Variants in MON2 observed in about 807,000 individuals in gnomAD.
MON2 encodes the protein MON2 regulator of endosome-to-Golgi trafficking.
In MON2, 84 loss-of-function variants were observed where a neutral mutation model predicts 208.6. The observed-to-expected ratio is 0.40, with a 90% CI of 0.34 to 0.48. The LOEUF is 0.48. Ranked by LOEUF, MON2 falls within the 20% of genes least tolerant of loss-of-function variation. The pLI is 0.59. For missense variants in MON2, 1,611 were observed against 2,015.4 expected, an observed-to-expected ratio of 0.80 and a Z score of 3.84; for synonymous variants, 660 against 694.0, an observed-to-expected ratio of 0.95 and a Z score of 0.77.
chr12:62,532,412 G>A (rs1397445952), intron 11 of MON2, 26 bp from the exon 12 acceptor site: 2 of 1,495,382 alleles, frequency 1.3e-6, no homozygotes, highest in Admixed American at 1.7e-5. Context: ...CTTCTCATTA[G>A]TATTCTATAT....
chr12:62,471,943 T>C (rs2068809905), intron 1 of MON2, among the ~76,000 whole-genome samples: 1 of 152,228 alleles, frequency 6.6e-6, no homozygotes. Flanking sequence ...CAGTTTGGTC[T>C]GTGGCCTCTG....
intron 34 of MON2, among the ~76,000 whole-genome samples, chr12:62,589,868 T>A (rs2075341417): frequency 6.6e-6 from 1 of 152,048 alleles, no homozygotes; most frequent in East Asian, 1.9e-4. Flanking sequence ...TAATAGATGA[T>A]CTAACTAAAT....
At chr12:62,481,704 A>G (rs181128404) in intron 1 of MON2, among the ~76,000 whole-genome samples, 20 of 152,258 alleles carry the variant, frequency 1.3e-4, no homozygotes, top group Admixed American at 7.9e-4. Context: ...TTTTTCTTCT[A>G]GGAGATGTAT....
Position 62,592,765 on chromosome 12 carries a change from T to C in MON2, c.*16T>C. On this transcript the variant is annotated 3_prime_UTR_variant, in exon 35 of 35. Transcript: ENST00000393630. ...AGAATCTTGACCGGCTACAATATAT[T>C]TGAAAGCAGGAAGATAGTCTAAAAA... is the stretch of plus-strand genomic sequence containing the variant. 4.5e-6 allele frequency: 7 copies of C among 1,556,538 alleles called. No individual in the cohort carries two copies. The highest frequency in any genetic ancestry group is 6.1e-6 in the Non-Finnish European group (7 of 1,138,670).
intron 12 of MON2, 128 bp from the exon 13 acceptor site, chr12:62,534,717 G>T: frequency 3.2e-6 from 2 of 628,768 alleles, no homozygotes; most frequent in South Asian, 2.0e-5. Context: ...CTGAATATTA[G>T]ATTTAATAAT....
At chr12:62,503,353 A>G (rs2070939067) in intron 7 of MON2, among the ~76,000 whole-genome samples, 1 of 152,190 alleles carries the variant, frequency 6.6e-6, no homozygotes, top group Non-Finnish European at 1.5e-5. Context: ...ATCACCTTCA[A>G]AATATATTCA....
At chr12:62,475,611 G>C (rs1340287858) in intron 1 of MON2, among the ~76,000 whole-genome samples, 1 of 150,034 alleles carries the variant, frequency 6.7e-6, no homozygotes, top group Admixed American at 6.6e-5. Context: ...CACCATGTTG[G>C]CCAGGCTGGT....
intron 34 of MON2, chr12:62,588,917 G>T (rs757451705): frequency 9.0e-6 from 13 of 1,436,924 alleles, no homozygotes; most frequent in Non-Finnish European, 1.2e-5. Context: ...TCTCTTAAAG[G>T]TAAATAATTT....
rs71882879 is a variant in MON2, at chr12:62,534,542, A to AATAT, written c.1634-280_1634-277dup. On this transcript the variant is annotated intron_variant, in intron 12 of 34. Coordinates refer to ENST00000393630, the MANE Select transcript of MON2 (RefSeq NM_015026.3). ...GCAAAAAAAAAAAAAAAAAAAAAAAAATATATATATATATATATATATATA... is the reference window on the plus strand; with the variant it reads ...GCAAAAAAAAAAAAAAAAAAAAAAAAATATATATATATATATATATATATATATA... 5.3e-3 allele frequency among the ~76,000 whole-genome samples: 120 copies of AATAT among 22,836 alleles called. 6 individuals carry two copies. Among genetic ancestry groups the AATAT allele is most frequent in the East Asian group, 0.033 (19 of 582 alleles). The allele number at this position is 22,836 out of a possible 152,430, so 15.0% of individuals were successfully genotyped here.
rs1195775060 is a variant in MON2 at position 62,578,524 on chromosome 12, A to G, written c.4575+19A>G. 1.4e-6 allele frequency: 2 copies of G among 1,463,350 alleles called. No homozygotes were observed. Among genetic ancestry groups the G allele is most frequent in the Non-Finnish European group, 1.9e-6 (2 of 1,070,602 alleles). The allele number at this position is 1,463,350 out of a possible 1,614,324, so 90.6% of individuals were successfully genotyped here. A position where few individuals can be genotyped will look rare whatever the true frequency, so the allele number is the denominator to read the frequency against. The stretch of plus-strand genomic sequence containing the variant: ...TGTCGAGGTAAGGAGGCTATTTAAA[A>G]TGTTTTCCTGTGACCATTTTTGAAA... On this transcript the variant is annotated intron_variant, in intron 31 of 34. Coordinates refer to ENST00000393630, the MANE Select transcript of MON2 (RefSeq NM_015026.3).
intron 4 of MON2, among the ~76,000 whole-genome samples, chr12:62,497,189 A>T (rs1443937175): frequency 6.9e-6 from 1 of 144,444 alleles, no homozygotes; most frequent in East Asian, 2.1e-4. Context: ...GGGGAGGGAT[A>T]GCATTAGGAG....
At chr12:62,543,669 G>A (rs2073343356) in intron 20 of MON2, among the ~76,000 whole-genome samples, 1 of 152,048 alleles carries the variant, frequency 6.6e-6, no homozygotes, top group Admixed American at 6.5e-5. Flanking sequence ...GTGCAGTGGT[G>A]AGGTCTCGCC....
At chr12:62,523,556 CT>C (rs1419634203) in intron 8 of MON2, among the ~76,000 whole-genome samples, 1 of 152,008 alleles carries the variant, frequency 6.6e-6, no homozygotes, top group African/African-American at 2.4e-5. Flanking sequence ...TGATTATGTC[CT>C]TTTTTTAAGC....
At position 62,467,326 on chromosome 12, in the gene MON2, T is replaced by C. The variant is rs1198800205; in HGVS notation, c.111+8T>C. 54 of 1,607,304 alleles carry C rather than the reference T, an allele frequency of 3.4e-5. No homozygotes were observed. Among genetic ancestry groups the C allele is most frequent in the Non-Finnish European group, 4.1e-5 (48 of 1,174,082 alleles). On this transcript the variant is annotated splice_region_variant and intron_variant, in intron 1 of 34. Transcript: ENST00000393630. Reference sequence around the variant, plus strand: ...TTCCCACCTGTCAAAGAGGTAAGCTTCAGGTGACGTCAGGAGAAGGCACTG... The same window carrying C: ...TTCCCACCTGTCAAAGAGGTAAGCTCCAGGTGACGTCAGGAGAAGGCACTG...
chr12:62,516,945 A>G (rs1015972912), intron 8 of MON2, among the ~76,000 whole-genome samples: 1 of 152,224 alleles, frequency 6.6e-6, no homozygotes, highest in African/African-American at 2.4e-5. Context: ...ATATAGTAAT[A>G]TCAGTCACCA....
chr12:62,583,843 C>G (rs1223224828), intron 32 of MON2, among the ~76,000 whole-genome samples: 1 of 150,290 alleles, frequency 6.7e-6, no homozygotes, highest in African/African-American at 2.4e-5. Flanking sequence ...GCCTGTAATC[C>G]CAGCTACTCG....
chr12:62,583,960 C>CA (rs1301473051), intron 32 of MON2, among the ~76,000 whole-genome samples: 2,078 of 55,430 alleles, frequency 0.037, 21 homozygotes, highest in African/African-American at 0.06. Context: ...GACCCTGTCT[C>CA]AAAAAAAAAA....
chr12:62,476,965 G>A (rs1176936387), intron 1 of MON2, among the ~76,000 whole-genome samples: 2 of 152,102 alleles, frequency 1.3e-5, no homozygotes, highest in African/African-American at 2.4e-5. Context: ...AGACTAGCCT[G>A]GGCAACATAG....
chr12:62,541,767 AG>A (rs2073253632), intron 19 of MON2, among the ~76,000 whole-genome samples: 1 of 152,290 alleles, frequency 6.6e-6, no homozygotes, highest in African/African-American at 2.4e-5. Context: ...GCCACATTCT[AG>A]GTTTTTGAGT....
Sources: allele counts gnomAD v4.1 joint callset (sites outside exome capture counted in the v4.1 genomes callset), GRCh38; gene constraint gnomAD v4.1.1; transcripts MANE v1.5; gene names NCBI Gene and HGNC (gene_info 2026-07-23, HGNC 2026-07-21).